Variants in ADRA1B observed in about 807,000 individuals in gnomAD.
The protein encoded by ADRA1B is alpha-1B adrenergic receptor.
A neutral mutation model predicts 17.9 loss-of-function variants in ADRA1B; 17 were observed. That is an observed-to-expected ratio of 0.95 (90% CI 0.65 to 1.42). The LOEUF (loss-of-function observed/expected upper bound fraction) is 1.42. Ranked by LOEUF, ADRA1B falls within the 40% of genes most tolerant of loss-of-function variation. ADRA1B has a pLI of 0.00. For synonymous variants in ADRA1B, 366 were observed against 327.6 expected (o/e 1.12, Z -1.27); for missense variants, 681 against 722.1 (o/e 0.94, Z 0.65).
chr5:159,985,460 A>G, the ADRA1B span, among the ~76,000 whole-genome samples: 1 of 152,238 alleles, frequency 6.6e-6, no homozygotes, highest in African/African-American at 2.4e-5. Flanking sequence ...TGAATGAATG[A>G]TGTCTTAATA....
chr5:159,931,926 A>G (rs548252565), intron 1 of ADRA1B, among the ~76,000 whole-genome samples: 98 of 152,242 alleles, frequency 6.4e-4, no homozygotes, highest in Admixed American at 2.1e-3. Flanking sequence ...AAGTTTCAAC[A>G]TATTAATTTT....
Position 159,917,025 on chromosome 5 carries a change from G to A in ADRA1B, c.120G>A (p.Leu40=). The change falls in exon 1 of 2, where the codon CTG becomes CTA. Residue 40 remains leucine, a synonymous_variant. Transcript: ENST00000306675. The part of the protein sequence containing the change: ...QTSSNSTLPQ[L]DITRAISVGL... ...CGAGCAACTCCACACTGCCCCAGCT[G>A]GACATCACCAGGGCCATCTCTGTGG... 6.2e-7 allele frequency: 1 copy of A among 1,614,124 alleles called. No individual in the cohort carries two copies. Among genetic ancestry groups the A allele is most frequent in the Non-Finnish European group, 8.5e-7 (1 of 1,180,012 alleles).
intron 1 of ADRA1B, among the ~76,000 whole-genome samples, chr5:159,924,620 G>A (rs1034327880): frequency 6.6e-6 from 1 of 152,154 alleles, no homozygotes; most frequent in Non-Finnish European, 1.5e-5. Context: ...GGATGACGGG[G>A]CCAGTCGTGG....
chr5:159,883,860 G>A (rs897436536), intron 1 of ADRA1B, among the ~76,000 whole-genome samples: 7 of 152,250 alleles, frequency 4.6e-5, no homozygotes, highest in African/African-American at 1.7e-4. Flanking sequence ...TTGCCTGGGA[G>A]TTTATGACAT....
At chr5:159,957,518 A>G (rs928210326) in intron 1 of ADRA1B, among the ~76,000 whole-genome samples, 7 of 151,994 alleles carry the variant, frequency 4.6e-5, no homozygotes, top group African/African-American at 7.2e-5. Context: ...AAAAAAAAAA[A>G]AAAAAAATTA....
At chr5:159,954,474 C>G (rs3844071) in intron 1 of ADRA1B, among the ~76,000 whole-genome samples, 3 of 151,990 alleles carry the variant, frequency 2.0e-5, no homozygotes, top group African/African-American at 7.3e-5. Flanking sequence ...ATACCATCAC[C>G]TGGCAGGATA....
intron 1 of ADRA1B, among the ~76,000 whole-genome samples, chr5:159,885,547 C>T (rs1408990020): frequency 6.6e-6 from 1 of 152,212 alleles, no homozygotes; most frequent in Non-Finnish European, 1.5e-5. Flanking sequence ...CTAACACTAA[C>T]ACATCTAGAT....
intron 1 of ADRA1B, among the ~76,000 whole-genome samples, chr5:159,902,686 A>C (rs901485231): frequency 6.6e-6 from 1 of 152,210 alleles, no homozygotes. Flanking sequence ...TGTCTCCCAC[A>C]CAATCTGACA....
In ADRA1B at chr5:159,899,263, AAAGGAAGGAAGGAAGG is replaced by A. The variant is rs199633101; in HGVS notation, c.-255-16817_-255-16802del. Among the ~76,000 whole-genome samples the A allele has an allele frequency of 1.0e-3, 106 of 106,458 alleles. 1 individual carries two copies. The highest frequency in any genetic ancestry group is 1.6e-3 in the Admixed American group (17 of 10,782). The allele number at this position is 106,458 out of a possible 152,430, so 69.8% of individuals were successfully genotyped here. On this transcript the variant is annotated intron_variant, in intron 1 of 2. Coordinates refer to the ADRA1B transcript ENST00000641205. ...GGGAGGAAGGAAGGAAGGAAGGAAG[AAAGGAAGGAAGGAAGG>A]AAGGAAGGAAGGAAGGAAGGAAGGA...
rs942105612 is a variant in ADRA1B, at chr5:159,917,435, C to T, written c.530C>T (p.Ser177Phe). ...LSVWVLSTVISIGPLLGWKEP... is the reference protein window; with the variant it reads ...LSVWVLSTVIFIGPLLGWKEP... ...GTCTGGGTCTTGTCCACCGTCATCT[C>T]CATCGGGCCTCTCCTTGGGTGGAAG... The change falls in exon 1 of 2, where the codon TCC becomes TTC. Residue 177 changes from serine (S) to phenylalanine (F), a missense_variant. By Grantham distance (155) the Ser-to-Phe change is radical (BLOSUM62 -2). This residue lies in a region of ADRA1B where 424 missense variants were observed against 480.2 expected (regional missense o/e 0.88). Coordinates refer to ENST00000306675, the MANE Select transcript of ADRA1B (RefSeq NM_000679.4). 2 of 1,614,190 alleles carry T rather than the reference C, an allele frequency of 1.2e-6. No individual in the cohort carries two copies. The highest frequency in any genetic ancestry group is 1.7e-6 in the Non-Finnish European group (2 of 1,180,036).
At chr5:159,951,126 C>G in intron 1 of ADRA1B, 1 of 745,152 alleles carries the variant, frequency 1.3e-6, no homozygotes, top group South Asian at 1.3e-5. Flanking sequence ...GGGGCATCAG[C>G]AGAGGGGGCA....
intron 1 of ADRA1B, among the ~76,000 whole-genome samples, chr5:159,879,606 T>G (rs1027119343): frequency 3.3e-5 from 5 of 152,170 alleles, no homozygotes; most frequent in African/African-American, 1.2e-4. Context: ...TCTACCTGCA[T>G]GCTGTGTGCA....
intron 1 of ADRA1B, among the ~76,000 whole-genome samples, chr5:159,927,652 A>G (rs1315339362): frequency 1.3e-5 from 2 of 152,194 alleles, no homozygotes; most frequent in Non-Finnish European, 2.9e-5. Flanking sequence ...GCCTATTATC[A>G]AAGCATAATT....
chr5:159,878,548 C>G (rs931731278), intron 1 of ADRA1B, among the ~76,000 whole-genome samples: 3 of 152,182 alleles, frequency 2.0e-5, no homozygotes, highest in African/African-American at 7.2e-5. Flanking sequence ...CTCATTTCCC[C>G]CAGGTAGCAC....
chr5:159,884,012 G>T (rs978096689), intron 1 of ADRA1B, among the ~76,000 whole-genome samples: 1 of 152,212 alleles, frequency 6.6e-6, no homozygotes, highest in African/African-American at 2.4e-5. Flanking sequence ...GGTTGCCAGT[G>T]GTTGAATGAG....
intron 1 of ADRA1B, among the ~76,000 whole-genome samples, chr5:159,964,818 G>T (rs907833999): frequency 2.6e-5 from 4 of 152,172 alleles, no homozygotes; most frequent in African/African-American, 9.7e-5. Flanking sequence ...TGGTAGCAGT[G>T]GTACTGGTGG....
At chr5:159,936,657 A>AG (rs1025328437) in intron 1 of ADRA1B, among the ~76,000 whole-genome samples, 6 of 103,170 alleles carry the variant, frequency 5.8e-5, no homozygotes, top group Non-Finnish European at 1.2e-4. Flanking sequence ...TTCAAACCAC[A>AG]AAAAAAAAAA....
intron 1 of ADRA1B, among the ~76,000 whole-genome samples, chr5:159,875,755 C>A (rs1006768074): frequency 4.6e-5 from 7 of 152,206 alleles, no homozygotes; most frequent in African/African-American, 1.7e-4. Context: ...CTGGTCCCTG[C>A]AGGCATCCAG....
At chr5:159,866,397 G>A (rs1306620683) in intron 1 of ADRA1B, among the ~76,000 whole-genome samples, 1 of 151,838 alleles carries the variant, frequency 6.6e-6, no homozygotes, top group African/African-American at 2.4e-5. Flanking sequence ...GACGAGCCTG[G>A]CCAAAATAGT....
Sources: allele counts gnomAD v4.1 joint callset (sites outside exome capture counted in the v4.1 genomes callset), GRCh38; gene constraint gnomAD v4.1.1; regional missense constraint gnomAD v4.1.1; transcripts MANE v1.5; gene names NCBI Gene and HGNC (gene_info 2026-07-23, HGNC 2026-07-21).